Variants in ELOF1 observed in about 807,000 individuals in gnomAD.
ELOF1 encodes the protein transcription elongation factor 1 homolog.
In ELOF1, 4 loss-of-function variants were observed where a neutral mutation model predicts 7.1. That is an observed-to-expected ratio of 0.56 (90% CI 0.28 to 1.29). The LOEUF (loss-of-function observed/expected upper bound fraction) is 1.29. Among genes scored for constraint, ELOF1 ranks in the 50% most tolerant of loss-of-function variants. The pLI is 0.10. For synonymous variants in ELOF1, 31 were observed against 31.9 expected, an observed-to-expected ratio of 0.97 and a Z score of 0.09; for missense variants, 59 against 86.3, an observed-to-expected ratio of 0.68 and a Z score of 1.25.
At chr19:11,553,733 G>A (rs1486414399) in intron 3 of ELOF1, 1 of 1,614,166 alleles carries the variant, frequency 6.2e-7, no homozygotes, top group Non-Finnish European at 8.5e-7. Context: ...CAGGGGGCGG[G>A]TCCTCTGTGT....
intron 3 of ELOF1, 96 bp from the exon 4 acceptor site, chr19:11,553,906 G>T: frequency 6.2e-7 from 1 of 1,610,626 alleles, no homozygotes; most frequent in East Asian, 2.2e-5. Context: ...TGTTCCTCTG[G>T]ACGGCTTTGG....
Position 11,556,080 on chromosome 19 carries a change from T to C in ELOF1, c.-18-1715A>G, listed in dbSNP as rs1439373433. 2.0e-5 allele frequency among the ~76,000 whole-genome samples: 3 copies of C among 152,150 alleles called. No individual in the cohort carries two copies. The East Asian group carries it at 5.8e-4, about 29-fold the overall frequency. On this transcript the variant is annotated intron_variant, in intron 1 of 3. Transcript: ENST00000586683. ...AGGTGGGTGGGGAAACGGCAGCAGT[T>C]ACCACTGAGCCCAACTCCCCTGCGA... is the stretch of plus-strand genomic sequence containing the variant.
At chr19:11,557,614 G>A (rs1748435360) in intron 1 of ELOF1, among the ~76,000 whole-genome samples, 1 of 122,670 alleles carries the variant, frequency 8.2e-6, no homozygotes, top group Non-Finnish European at 1.6e-5. Context: ...AAAAAAAAAG[G>A]CTGAGTGCAG....
At chr19:11,557,157 G>A (rs192125043) in intron 1 of ELOF1, among the ~76,000 whole-genome samples, 1 of 152,198 alleles carries the variant, frequency 6.6e-6, no homozygotes, top group Non-Finnish European at 1.5e-5. Context: ...CCCAATGGCA[G>A]TCCTCCCATT....
chr19:11,553,930 C>T, intron 3 of ELOF1, 81 bp downstream of exon 3: 1 of 1,610,500 alleles, frequency 6.2e-7, no homozygotes, highest in Non-Finnish European at 8.5e-7. Context: ...TGCACCAGGG[C>T]ACACAGTGGG....
chr19:11,554,424 G>A, intron 1 of ELOF1, 59 bp from the exon 2 acceptor site: 1 of 1,571,864 alleles, frequency 6.4e-7, no homozygotes, highest in East Asian at 2.3e-5. Flanking sequence ...CCAGCTCAAT[G>A]CTCTAGAAAG....
chr19:11,553,544 C>T (rs1972764803), intron 3 of ELOF1: 1 of 651,934 alleles, frequency 1.5e-6, no homozygotes, highest in Non-Finnish European at 2.7e-6. Flanking sequence ...CCACACACAC[C>T]CACACTCACT....
rs761355214 is a variant in ELOF1, at chr19:11,554,092, C to A, written c.117-11G>T. The A allele has an allele frequency of 4.3e-6, 7 of 1,614,050 alleles. No individual in the cohort carries two copies. The highest frequency in any genetic ancestry group is 5.9e-6 in the Non-Finnish European group (7 of 1,180,050). Reference sequence around the variant, plus strand: ...TTGCGGGCACGGTCCCTGAAACAGACCAAGAGAAGGGACTGGTGAGCAATG... The same window carrying A: ...TTGCGGGCACGGTCCCTGAAACAGAACAAGAGAAGGGACTGGTGAGCAATG... On this transcript the variant is annotated splice_polypyrimidine_tract_variant and intron_variant, in intron 2 of 3. Coordinates refer to ENST00000586683, the Ensembl canonical transcript of ELOF1.
intron 3 of ELOF1, chr19:11,553,591 A>G (rs991180627): frequency 1.3e-4 from 35 of 262,094 alleles, no homozygotes; most frequent in African/African-American, 1.8e-4. Flanking sequence ...CTACACACAC[A>G]CACACACACA....
At chr19:11,553,632 CG>C in intron 3 of ELOF1, 2 of 931,498 alleles carry the variant, frequency 2.1e-6, no homozygotes, top group Non-Finnish European at 3.3e-6. Context: ...CACACACACA[CG>C]GCTGTGACAG....
At chr19:11,554,636 C>T (rs1008993792) in intron 1 of ELOF1, 27 of 491,240 alleles carry the variant, frequency 5.5e-5, no homozygotes, top group African/African-American at 2.1e-4. Context: ...ACAGTTTCCT[C>T]GTCTATAAAA....
At chr19:11,558,123 C>T (rs1323395407) in intron 1 of ELOF1, among the ~76,000 whole-genome samples, 1 of 152,186 alleles carries the variant, frequency 6.6e-6, no homozygotes, top group African/African-American at 2.4e-5. Flanking sequence ...TTCCAGTCTT[C>T]CTCATCTCAG....
chr19:11,553,390 A>G (rs914342944), intron 3 of ELOF1: 78 of 460,056 alleles, frequency 1.7e-4, no homozygotes, highest in African/African-American at 2.3e-4. Context: ...CAGAGCCCCA[A>G]GGCTGGGGGG....
intron 1 of ELOF1, among the ~76,000 whole-genome samples, chr19:11,557,407 C>A (rs1352608518): frequency 6.6e-6 from 1 of 151,594 alleles, no homozygotes; most frequent in South Asian, 2.1e-4. Flanking sequence ...ACCAGCCTGG[C>A]CAACATGGTG....
intron 3 of ELOF1, chr19:11,553,370 CG>C: frequency 4.4e-6 from 2 of 455,070 alleles, no homozygotes; most frequent in Non-Finnish European, 7.8e-6. Flanking sequence ...CCAATTCCGC[CG>C]GGGGGAGCCA....
exon 2 of ELOF1, chr19:11,554,273 G>C (rs939326753): frequency 5.6e-6 from 9 of 1,613,914 alleles, no homozygotes; most frequent in African/African-American, 1.3e-5. Context: ...AGAAGGGGCA[G>C]GTGAACTGGG....
chr19:11,555,205 C>A (rs777006370), intron 1 of ELOF1: 14 of 215,978 alleles, frequency 6.5e-5, no homozygotes, highest in Non-Finnish European at 1.4e-4. Flanking sequence ...TGCAGTGAGC[C>A]GAGATCGCAC....
At chr19:11,553,860 C>A (rs1179681621) in intron 3 of ELOF1, 50 bp from the exon 4 acceptor site, 1 of 1,612,610 alleles carries the variant, frequency 6.2e-7, no homozygotes, top group East Asian at 2.2e-5. Context: ...CCCTGCCCTG[C>A]ATCTTCTCAC....
chr19:11,553,617 AC>A, intron 3 of ELOF1: 1 of 823,428 alleles, frequency 1.2e-6, no homozygotes, highest in Non-Finnish European at 1.8e-6. Context: ...ACACACACAC[AC>A]ACACACACAC....
Sources: gnomAD v4.1 joint callset for allele counts (sites outside exome capture counted in the v4.1 genomes callset) on GRCh38, gnomAD v4.1.1 for gene constraint, MANE v1.5 for transcripts, NCBI Gene and HGNC (gene_info 2026-07-23, HGNC 2026-07-21) for gene names.